The following CPNE4 variants were observed in gnomAD, a reference collection of about 807,000 sequenced individuals.
CPNE4 encodes the protein copine 4, also known as copine-4.
A neutral mutation model predicts 67.9 loss-of-function variants in CPNE4; 25 were observed. The ratio of observed to expected loss-of-function variants is 0.37; its 90% CI spans 0.27 to 0.51. The LOEUF is 0.51. Among genes scored for constraint, CPNE4 ranks in the 20% least tolerant of loss-of-function variants. CPNE4 has a pLI of 0.93. For synonymous variants in CPNE4, 242 were observed against 244.9 expected (o/e 0.99, Z 0.11); for missense variants, 464 against 690.8 (o/e 0.67, Z 3.68).
intron 2 of CPNE4, among the ~76,000 whole-genome samples, chr3:131,775,259 G>T (rs1210671406): frequency 6.6e-6 from 1 of 152,116 alleles, no homozygotes; most frequent in South Asian, 2.1e-4. Context: ...TGAATATATT[G>T]TGACAGCCCA....
At chr3:131,796,788 C>T (rs959439482) in intron 2 of CPNE4, among the ~76,000 whole-genome samples, 18 of 152,158 alleles carry the variant, frequency 1.2e-4, no homozygotes, top group African/African-American at 4.1e-4. Flanking sequence ...ACTCAAAGAG[C>T]ATCAGTGCCA....
intron 3 of CPNE4, 42 bp from the exon 4 acceptor site, chr3:131,700,022 T>C (rs1441631761): frequency 8.2e-7 from 1 of 1,213,246 alleles, no homozygotes. Flanking sequence ...GTAGAGATAC[T>C]AGTCATTTAA....
At position 131,554,179 on chromosome 3, in the gene CPNE4, A is replaced by G. The variant is rs145460457; in HGVS notation, c.1116+1318T>C. Among the ~76,000 whole-genome samples the G allele has an allele frequency of 1.2e-3, 175 of 152,148 alleles. 3 individuals are homozygous for G. Among genetic ancestry groups the G allele is most frequent in the African/African-American group, 4.0e-3 (167 of 41,528 alleles). ...TAGTTGGGCTGATGGCTATTGAGCTATTCAGCAGCTCTATGAAGAAAGTGG... is the reference window on the plus strand; with the variant it reads ...TAGTTGGGCTGATGGCTATTGAGCTGTTCAGCAGCTCTATGAAGAAAGTGG... On this transcript the variant is annotated intron_variant, in intron 12 of 15. Coordinates refer to ENST00000429747, the MANE Select transcript of CPNE4 (RefSeq NM_130808.3).
intron 3 of CPNE4, among the ~76,000 whole-genome samples, chr3:131,702,039 T>C (rs1348161846): frequency 6.6e-6 from 1 of 152,020 alleles, no homozygotes; most frequent in Admixed American, 6.6e-5. Flanking sequence ...GCAATGAAAA[T>C]ACCAAGTCTC....
chr3:131,643,164 A>G (rs73001270), intron 7 of CPNE4, among the ~76,000 whole-genome samples: 22,072 of 152,222 alleles, frequency 0.14, 1,915 homozygotes, highest in African/African-American at 0.24. Flanking sequence ...GGGAACTGGA[A>G]TAAAGGTGAT....
intron 1 of CPNE4, among the ~76,000 whole-genome samples, chr3:131,977,641 C>A (rs565522335): frequency 6.6e-6 from 1 of 151,944 alleles, no homozygotes; most frequent in Non-Finnish European, 1.5e-5. Context: ...CTCCTCTATG[C>A]GGTTCTTTTT....
chr3:131,752,275 G>A (rs1583140644), intron 2 of CPNE4, among the ~76,000 whole-genome samples: 1 of 152,150 alleles, frequency 6.6e-6, no homozygotes, highest in Admixed American at 6.6e-5. Context: ...GGTCTTTGCT[G>A]GCATGGGCAG....
intron 7 of CPNE4, among the ~76,000 whole-genome samples, chr3:131,667,050 T>C (rs1190745653): frequency 6.6e-6 from 1 of 152,192 alleles, no homozygotes; most frequent in South Asian, 2.1e-4. Flanking sequence ...GTTAGCAATG[T>C]TAGCAATACA....
chr3:131,860,940 C>T (rs2086652728), intron 2 of CPNE4, among the ~76,000 whole-genome samples: 1 of 152,188 alleles, frequency 6.6e-6, no homozygotes, highest in South Asian at 2.1e-4. Context: ...GCAAATGCTA[C>T]TTTCCTAAGC....
chr3:131,733,426 A>T (rs1225485337), intron 2 of CPNE4, among the ~76,000 whole-genome samples: 1 of 152,230 alleles, frequency 6.6e-6, no homozygotes, highest in African/African-American at 2.4e-5. Flanking sequence ...AAGCCCCCCT[A>T]GAATATCTCA....
At chr3:131,999,522 G>C (rs1216496513) in intron 1 of CPNE4, among the ~76,000 whole-genome samples, 1 of 152,024 alleles carries the variant, frequency 6.6e-6, no homozygotes, top group Non-Finnish European at 1.5e-5. Flanking sequence ...TGCTGGAAAA[G>C]AATCAGAAAG....
intron 2 of CPNE4, among the ~76,000 whole-genome samples, chr3:131,861,582 C>T (rs1298565600): frequency 1.3e-5 from 2 of 152,064 alleles, no homozygotes; most frequent in African/African-American, 4.8e-5. Flanking sequence ...AGGCGCCTGC[C>T]ACCATGCTCG....
chr3:131,740,766 C>T (rs1306128214), intron 2 of CPNE4, among the ~76,000 whole-genome samples: 1 of 152,178 alleles, frequency 6.6e-6, no homozygotes, highest in African/African-American at 2.4e-5. Flanking sequence ...AACCTTCCGA[C>T]AACTCCCCAT....
At chr3:131,593,726 T>A (rs1938674212) in intron 7 of CPNE4, among the ~76,000 whole-genome samples, 2 of 152,174 alleles carry the variant, frequency 1.3e-5, no homozygotes, top group African/African-American at 2.4e-5. Context: ...TTGTTTGTTT[T>A]GTTTTTGATG....
intron 2 of CPNE4, among the ~76,000 whole-genome samples, chr3:131,743,900 T>C (rs1050871714): frequency 1.5e-5 from 2 of 130,250 alleles, no homozygotes; most frequent in East Asian, 4.7e-4. Context: ...GAGGCGGAGC[T>C]TGCAGTGAGC....
chr3:131,952,457 G>C (rs549963422), intron 1 of CPNE4, among the ~76,000 whole-genome samples: 5 of 136,480 alleles, frequency 3.7e-5, no homozygotes, highest in Non-Finnish European at 1.6e-5. Context: ...CAGCCACCCC[G>C]TCCGGGAGGG....
At chr3:131,893,359 A>G (rs973666451) in intron 2 of CPNE4, among the ~76,000 whole-genome samples, 1 of 152,028 alleles carries the variant, frequency 6.6e-6, no homozygotes, top group Non-Finnish European at 1.5e-5. Context: ...AGAGGTAGTC[A>G]GCAATACAGT....
intron 7 of CPNE4, among the ~76,000 whole-genome samples, chr3:131,610,552 A>T (rs779472260): frequency 6.6e-6 from 1 of 152,138 alleles, no homozygotes; most frequent in East Asian, 1.9e-4. Flanking sequence ...CAAGGTTTAA[A>T]TGTTGTTCAT....
intron 7 of CPNE4, among the ~76,000 whole-genome samples, chr3:131,651,255 A>G (rs1366144123): frequency 2.6e-5 from 4 of 152,120 alleles, no homozygotes; most frequent in Non-Finnish European, 4.4e-5. Flanking sequence ...TTTAAACACT[A>G]TGGGGCTCTC....
Sources: gnomAD v4.1 joint callset for allele counts (sites outside exome capture counted in the v4.1 genomes callset) on GRCh38, gnomAD v4.1.1 for gene constraint, MANE v1.5 for transcripts, NCBI Gene and HGNC (gene_info 2026-07-23, HGNC 2026-07-21) for gene names.